CADM2: variants seen among roughly 807,000 people sequenced by gnomAD.
CADM2 encodes cell adhesion molecule 2, also known as immunoglobulin superfamily member 4D.
Under a neutral mutation model 49.8 loss-of-function variants are expected in CADM2, and 12 were observed. The observed-to-expected ratio is 0.24, with a 90% CI of 0.15 to 0.39. The LOEUF (loss-of-function observed/expected upper bound fraction) is 0.39, where lower values mean the gene tolerates loss of function less well. Ranked by LOEUF, CADM2 falls within the 10% of genes least tolerant of loss-of-function variation. CADM2 has a pLI of 1.00. For synonymous variants in CADM2, 214 were observed against 175.4 expected, an observed-to-expected ratio of 1.22 and a Z score of -1.74; for missense variants, 378 against 492.3, an observed-to-expected ratio of 0.77 and a Z score of 2.20.
intron 1 of CADM2, among the ~76,000 whole-genome samples, chr3:85,143,038 C>T (rs73128728): frequency 0.01 from 1,579 of 152,032 alleles, 18 homozygotes; most frequent in Non-Finnish European, 0.014. Context: ...AGAAAAAATT[C>T]CAAATATGTC....
intron 8 of CADM2, among the ~76,000 whole-genome samples, chr3:86,047,216 G>A (rs1229867202): frequency 6.6e-6 from 1 of 151,864 alleles, no homozygotes; most frequent in Non-Finnish European, 1.5e-5. Flanking sequence ...ACTCCCATTG[G>A]GCAGCATTTA....
chr3:85,991,203 G>A (rs912765450), intron 8 of CADM2, among the ~76,000 whole-genome samples: 7 of 151,928 alleles, frequency 4.6e-5, no homozygotes, highest in African/African-American at 1.2e-4. Context: ...TTGCACTATG[G>A]CCATCCTTTA....
At chr3:85,554,001 T>A (rs2061883219) in intron 1 of CADM2, among the ~76,000 whole-genome samples, 1 of 152,122 alleles carries the variant, frequency 6.6e-6, no homozygotes, top group African/African-American at 2.4e-5. Flanking sequence ...AACAAATTGA[T>A]CCATTGATTA....
chr3:85,403,703 A>G (rs1277509852), intron 1 of CADM2, among the ~76,000 whole-genome samples: 3 of 152,144 alleles, frequency 2.0e-5, no homozygotes, highest in Non-Finnish European at 2.9e-5. Flanking sequence ...TCTATTGTTG[A>G]CATATAAACA....
At chr3:85,724,159 AT>A (rs1330585346) in intron 1 of CADM2, among the ~76,000 whole-genome samples, 1 of 152,040 alleles carries the variant, frequency 6.6e-6, no homozygotes, top group Non-Finnish European at 1.5e-5. Flanking sequence ...CCAATTTATG[AT>A]TTTAAAGATA....
At chr3:86,053,990 C>A (rs545052601) in intron 8 of CADM2, among the ~76,000 whole-genome samples, 17 of 151,634 alleles carry the variant, frequency 1.1e-4, no homozygotes, top group African/African-American at 1.7e-4. Flanking sequence ...GATGTGAAAA[C>A]TAAGGTAGAG....
intron 1 of CADM2, among the ~76,000 whole-genome samples, chr3:85,087,206 G>A (rs571074461): frequency 6.6e-6 from 1 of 152,132 alleles, no homozygotes; most frequent in African/African-American, 2.4e-5. Flanking sequence ...AGGTCAGTGA[G>A]TAGTTTACTG....
chr3:85,821,753 T>A (rs935411264), intron 3 of CADM2, among the ~76,000 whole-genome samples: 26 of 152,270 alleles, frequency 1.7e-4, no homozygotes, highest in African/African-American at 6.0e-4. Context: ...GAGGGCCATT[T>A]TTCTCTATAT....
intron 1 of CADM2, among the ~76,000 whole-genome samples, chr3:85,007,478 C>G (rs2033789067): frequency 6.6e-6 from 1 of 151,998 alleles, no homozygotes; most frequent in African/African-American, 2.4e-5. Context: ...TCAACCAACC[C>G]CTGGTCTAGT....
In CADM2 at chr3:85,431,860, C is replaced by CATATATATATATAT. The variant is rs1553722697; in HGVS notation, c.62-294650_62-294649insATATATATATATAT. ...AACACCATGGTCTTATGCTTAATTG[C>CATATATATATATAT]ATATATATATATGCCATGCTCTTTC... On this transcript the variant is annotated intron_variant, in intron 1 of 9. Coordinates refer to ENST00000383699, the MANE Select transcript of CADM2 (RefSeq NM_001167675.2). 6.0e-4 allele frequency among the ~76,000 whole-genome samples: 31 copies of CATATATATATATAT among 51,856 alleles called. 8 individuals carry two copies. Among genetic ancestry groups the CATATATATATATAT allele is most frequent in the Admixed American group, 2.0e-3 (8 of 4,032 alleles). The allele number at this position is 51,856 out of a possible 152,430, so 34.0% of individuals were successfully genotyped here.
At chr3:85,612,379 C>A (rs937045957) in intron 1 of CADM2, among the ~76,000 whole-genome samples, 3 of 151,672 alleles carry the variant, frequency 2.0e-5, no homozygotes, top group Non-Finnish European at 4.4e-5. Context: ...TTTCTAATTC[C>A]ATTTTCTTGC....
intron 1 of CADM2, among the ~76,000 whole-genome samples, chr3:85,136,926 AGGCTGCATTTTTATATTTAAAAATATG>A (rs1466966089): frequency 2.0e-5 from 3 of 152,014 alleles, no homozygotes; most frequent in Non-Finnish European, 2.9e-5. Context: ...TCATTGTCAT[AGGCTGCATTTTTATATTTAAAAATATG>A]CAAATAAGAT....
At chr3:85,865,530 G>A (rs72910511) in intron 3 of CADM2, among the ~76,000 whole-genome samples, 4,979 of 152,132 alleles carry the variant, frequency 0.033, 251 homozygotes, top group African/African-American at 0.11. Context: ...AGTAAAATAC[G>A]AAACGGAATA....
intron 8 of CADM2, among the ~76,000 whole-genome samples, chr3:86,034,568 AT>A (rs1734935686): frequency 6.6e-6 from 1 of 152,012 alleles, no homozygotes; most frequent in Non-Finnish European, 1.5e-5. Flanking sequence ...AATTTATGTT[AT>A]GCTGTTGTAA....
chr3:85,596,798 C>A (rs1456555124), intron 1 of CADM2, among the ~76,000 whole-genome samples: 2 of 152,080 alleles, frequency 1.3e-5, no homozygotes, highest in African/African-American at 2.4e-5. Flanking sequence ...CTCAATTAAA[C>A]CTCTGCTTCC....
In CADM2 at chr3:85,332,163, C is replaced by G. The variant is rs559254730; in HGVS notation, c.61+372495C>G. 3.3e-5 allele frequency among the ~76,000 whole-genome samples: 5 copies of G among 152,130 alleles called. No homozygotes were observed. The South Asian group carries it at 1.0e-3, about 32-fold the overall frequency. On this transcript the variant is annotated intron_variant, in intron 1 of 9. Coordinates refer to ENST00000383699, the MANE Select transcript of CADM2 (RefSeq NM_001167675.2). The stretch of plus-strand genomic sequence containing the variant: ...GCTGAGAAGGGATCAAAGTCCTAAA[C>G]ATTTGTGACTGCTTTCTCAGAAAAT...
intron 3 of CADM2, among the ~76,000 whole-genome samples, chr3:85,869,280 C>A (rs1252530087): frequency 6.6e-6 from 1 of 152,038 alleles, no homozygotes; most frequent in African/African-American, 2.4e-5. Context: ...CAGCCCTTCA[C>A]TAAGCAATTA....
intron 3 of CADM2, among the ~76,000 whole-genome samples, chr3:85,867,509 T>C (rs969702336): frequency 1.3e-5 from 2 of 152,052 alleles, no homozygotes; most frequent in African/African-American, 4.8e-5. Context: ...GTCTCAAAAG[T>C]AAATGTATTT....
chr3:85,322,616 C>T (rs1360541699), intron 1 of CADM2, among the ~76,000 whole-genome samples: 1 of 152,032 alleles, frequency 6.6e-6, no homozygotes, highest in Admixed American at 6.6e-5. Context: ...TATGCAAAAC[C>T]AATGGAGAAA....
Sources: gnomAD v4.1 joint callset for allele counts (sites outside exome capture counted in the v4.1 genomes callset) on GRCh38, gnomAD v4.1.1 for gene constraint, MANE v1.5 for transcripts, NCBI Gene and HGNC (gene_info 2026-07-23, HGNC 2026-07-21) for gene names.